OSER1: variants seen among roughly 807,000 people sequenced by gnomAD.
OSER1 encodes oxidative stress-responsive serine-rich protein 1.
In OSER1, 15 loss-of-function variants were observed where a neutral mutation model predicts 26.3. That is an observed-to-expected ratio of 0.57 (90% CI 0.38 to 0.88). OSER1 has a LOEUF of 0.88. OSER1 is among the 40% of genes least tolerant of loss of function. OSER1 has a pLI of 0.00. For missense variants in OSER1, 313 were observed against 353.9 expected (o/e 0.88, Z 0.93); for synonymous variants, 127 against 128.2 (o/e 0.99, Z 0.07).
At chr20:44,203,151 A>C in intron 2 of OSER1, 77 bp from the exon 3 acceptor site, 1 of 686,122 alleles carries the variant, frequency 1.5e-6, no homozygotes, top group Non-Finnish European at 2.6e-6. Flanking sequence ...TAGCTCAAAT[A>C]CAACTTTTAT....
chr20:44,208,224 T>C (rs2073058500), intron 1 of OSER1, among the ~76,000 whole-genome samples: 1 of 150,960 alleles, frequency 6.6e-6, no homozygotes, highest in Non-Finnish European at 1.5e-5. Flanking sequence ...TCCGAAGTTA[T>C]TGTGAGACCT....
At chr20:44,207,654 C>T (rs1473944772) in intron 1 of OSER1, 2 of 152,116 alleles carry the variant, frequency 1.3e-5, no homozygotes, top group Non-Finnish European at 2.9e-5. Context: ...ACACTTGCAA[C>T]CCCCTAAAAA....
At position 44,200,289 on chromosome 20, in the gene OSER1, C is replaced by T. The variant is rs972785395; in HGVS notation, c.192-2550G>A. On this transcript the variant is annotated intron_variant, in intron 3 of 3. Coordinates refer to ENST00000255174, the MANE Select transcript of OSER1 (RefSeq NM_016470.8). ...CACTGGGACAGAAAGTAGAACTGAC[C>T]CTGGCACTACCTGCTACCCACCCAT... Among the ~76,000 whole-genome samples, 4 of 152,082 alleles carry T rather than the reference C, an allele frequency of 2.6e-5. No homozygotes were observed. In the East Asian group the frequency reaches 7.7e-4, roughly 29 times the overall value.
At position 44,197,340 on chromosome 20, in the gene OSER1, G is replaced by C; in HGVS notation, c.591C>G (p.Cys197Trp). The C allele has an allele frequency of 6.2e-7, 1 of 1,614,198 alleles. No homozygotes were observed. The highest frequency in any genetic ancestry group is 1.7e-5 in the Admixed American group (1 of 60,026). ...SVSKLNQGKP[C>W]TCIGKECQCK... ...ACTGGCATTCCTTGCCTATGCATGT[G>C]CATGGCTTGCCCTGGTTTAGCTTGG... Residue 197 changes from cysteine to tryptophan, a missense_variant, in exon 4 of 4, where the codon TGC becomes TGG. Around this residue, in one of 2 missense-constraint regions of OSER1, gnomAD observed 300 missense variants for 318.3 expected, o/e 0.94. Transcript: ENST00000255174.
intron 1 of OSER1, among the ~76,000 whole-genome samples, chr20:44,209,286 C>T (rs1453408809): frequency 2.6e-5 from 4 of 152,202 alleles, no homozygotes; most frequent in African/African-American, 7.2e-5. Context: ...TCTGTCTAAA[C>T]CATTTTCAGA....
intron 2 of OSER1, among the ~76,000 whole-genome samples, chr20:44,206,313 G>C (rs1424221414): frequency 3.3e-5 from 5 of 152,202 alleles, no homozygotes; most frequent in African/African-American, 4.8e-5. Context: ...GGTGTGAGAA[G>C]AGTCTTACAC....
intron 2 of OSER1, among the ~76,000 whole-genome samples, chr20:44,205,307 A>AC (rs1210614978): frequency 6.6e-6 from 1 of 152,250 alleles, no homozygotes; most frequent in African/African-American, 2.4e-5. Flanking sequence ...CACAAAGGAT[A>AC]CACTGCAGCC....
At position 44,196,218 on chromosome 20, in the gene OSER1, G is replaced by A. The variant is rs1298891861; in HGVS notation, c.*834C>T. On this transcript the variant is annotated 3_prime_UTR_variant, in exon 4 of 4. Transcript: ENST00000255174. ...AAAATTCTCTTTTAGGGTTGCTGGG[G>A]TGACAGGGCAGCTCAAAGAGGTAAC... 1.3e-5 allele frequency among the ~76,000 whole-genome samples: 2 copies of A among 151,136 alleles called. No individual in the cohort carries two copies. Among genetic ancestry groups the A allele is most frequent in the African/African-American group, 4.9e-5 (2 of 41,134 alleles).
At chr20:44,210,485 G>C (rs145767472) in intron 1 of OSER1, among the ~76,000 whole-genome samples, 7 of 152,238 alleles carry the variant, frequency 4.6e-5, no homozygotes, top group South Asian at 2.1e-4. Context: ...AAGGCGGGAA[G>C]GGGAGAGAGC....
In OSER1 at chr20:44,197,018, A is replaced by C. The variant is rs560200942; in HGVS notation, c.*34T>G. The C allele has an allele frequency of 6.8e-7, 1 of 1,463,914 alleles. No homozygotes were observed. 90.7% of individuals were successfully genotyped at this position (1,463,914 alleles called of 1,614,324 possible). On this transcript the variant is annotated 3_prime_UTR_variant, in exon 4 of 4. Transcript: ENST00000255174. ...AACTAAATCTCTTTGACAAGCCTTCATTGGTTTAAAGCATATGAATTAGCT... is the reference window on the plus strand; with the variant it reads ...AACTAAATCTCTTTGACAAGCCTTCCTTGGTTTAAAGCATATGAATTAGCT...
chr20:44,208,177 CCT>C (rs1393571979), intron 1 of OSER1, among the ~76,000 whole-genome samples: 1 of 137,320 alleles, frequency 7.3e-6, no homozygotes, highest in African/African-American at 2.6e-5. Context: ...GCCCTTGGGT[CCT>C]CTCTGATTCA....
At chr20:44,201,637 A>T (rs1040954259) in intron 3 of OSER1, among the ~76,000 whole-genome samples, 3 of 152,256 alleles carry the variant, frequency 2.0e-5, no homozygotes, top group African/African-American at 7.2e-5. Flanking sequence ...AACGACTAAA[A>T]TATTGGGCAA....
rs769602046 is a variant in OSER1 at position 44,207,764 on chromosome 20, T to C, written c.-41-766A>G. ...TAAAGAAAAAAAACAGAAATGACTA[T>C]TGTGTAGACGCACCACTAAATGATC... On this transcript the variant is annotated intron_variant, in intron 1 of 3. Transcript: ENST00000255174. Among the ~76,000 whole-genome samples, 15 of 152,334 alleles carry C rather than the reference T, an allele frequency of 9.8e-5. No individual in the cohort carries two copies. In the East Asian group the frequency reaches 2.9e-3, roughly 29 times the overall value.
In OSER1 at chr20:44,197,315, A is replaced by G. The variant is rs748314966; in HGVS notation, c.616T>C (p.Cys206Arg). 6.2e-7 allele frequency: 1 copy of G among 1,614,066 alleles called. No homozygotes were observed. Among genetic ancestry groups the G allele is most frequent in the Admixed American group, 1.7e-5 (1 of 60,030 alleles). The change falls in exon 4 of 4, where the codon TGT becomes CGT. Residue 206 changes from cysteine to arginine, a missense_variant. By Grantham distance (180) the Cys-to-Arg change is radical. Around this residue, in one of 2 missense-constraint regions of OSER1, gnomAD observed 300 missense variants for 318.3 expected, o/e 0.94. Coordinates refer to ENST00000255174, the MANE Select transcript of OSER1 (RefSeq NM_016470.8). ...PCTCIGKECQCKRWHDMEVYS... is the reference protein window; with the variant it reads ...PCTCIGKECQRKRWHDMEVYS... Reference sequence around the variant, plus strand: ...ACTTCCATATCATGCCATCTCTTACACTGGCATTCCTTGCCTATGCATGTG... The same window carrying G: ...ACTTCCATATCATGCCATCTCTTACGCTGGCATTCCTTGCCTATGCATGTG...
chr20:44,203,693 TTC>T (rs1491186206), intron 2 of OSER1, among the ~76,000 whole-genome samples: 13 of 75,618 alleles, frequency 1.7e-4, no homozygotes, highest in Non-Finnish European at 2.9e-4. Flanking sequence ...CCAGACTTTT[TTC>T]ACACACACAC....
At chr20:44,203,420 G>C (rs896359549) in intron 2 of OSER1, among the ~76,000 whole-genome samples, 3 of 152,146 alleles carry the variant, frequency 2.0e-5, no homozygotes, top group Non-Finnish European at 2.9e-5. Flanking sequence ...CAGAGTCATG[G>C]AACTAAACTT....
intron 2 of OSER1, among the ~76,000 whole-genome samples, chr20:44,203,778 G>C (rs1379749672): frequency 6.6e-6 from 1 of 151,356 alleles, no homozygotes. Flanking sequence ...TCTTTAGAAA[G>C]CGACATTAAT....
In OSER1 at chr20:44,197,748, G is replaced by A. The variant is rs1569235337; in HGVS notation, c.192-9C>T. 13 of 1,565,116 alleles carry A rather than the reference G, an allele frequency of 8.3e-6. No homozygotes were observed. In the Admixed American group the frequency reaches 1.2e-4, roughly 15 times the overall value. ...AAGACTTCCTTGTAGACCTAAAGAG[G>A]AAAAAAAATATACAAGAAGATGTTG... On this transcript the variant is annotated splice_polypyrimidine_tract_variant and intron_variant, in intron 3 of 3. Transcript: ENST00000255174.
intron 1 of OSER1, among the ~76,000 whole-genome samples, chr20:44,210,236 G>A (rs537914616): frequency 7.9e-5 from 12 of 152,332 alleles, no homozygotes; most frequent in Admixed American, 7.8e-4. Flanking sequence ...CTGTGAAGTT[G>A]CGCTCCTCGG....
Sources: gnomAD v4.1 joint callset for allele counts (sites outside exome capture counted in the v4.1 genomes callset) on GRCh38, gnomAD v4.1.1 for gene constraint, gnomAD v4.1.1 regional missense constraint, MANE v1.5 for transcripts, NCBI Gene and HGNC (gene_info 2026-07-23, HGNC 2026-07-21) for gene names.